COL4A4: variants seen among roughly 807,000 people sequenced by gnomAD.
COL4A4 encodes collagen alpha-4(IV) chain.
A neutral mutation model predicts 192.9 loss-of-function variants in COL4A4; 105 were observed. The observed-to-expected ratio is 0.54, with a 90% CI of 0.46 to 0.64. COL4A4 has a LOEUF of 0.64. Ranked by LOEUF, COL4A4 falls within the 30% of genes least tolerant of loss-of-function variation. The probability of loss-of-function intolerance (pLI) is 0.00; values close to 1 mark genes in which losing one functional copy is unlikely to be tolerated. For synonymous variants in COL4A4, 762 were observed against 769.9 expected, an observed-to-expected ratio of 0.99 and a Z score of 0.17; for missense variants, 1,967 against 2,169.3, an observed-to-expected ratio of 0.91 and a Z score of 1.85.
intron 1 of COL4A4, among the ~76,000 whole-genome samples, chr2:227,158,745 G>C (rs2064558516): frequency 1.3e-5 from 2 of 151,980 alleles, no homozygotes; most frequent in African/African-American, 4.8e-5. Flanking sequence ...TTAGTTATTG[G>C]AGAAATGCAA....
At position 227,027,420 on chromosome 2, in the gene COL4A4, T is replaced by G. The variant is rs370162207; in HGVS notation, c.4081+482A>C. Among the ~76,000 whole-genome samples the G allele has an allele frequency of 3.7e-4, 54 of 145,576 alleles. No homozygotes were observed. The South Asian group carries it at 8.6e-3, about 23-fold the overall frequency. On this transcript the variant is annotated intron_variant, in intron 42 of 47. Coordinates refer to ENST00000396625, the MANE Select transcript of COL4A4 (RefSeq NM_000092.5). Reference sequence around the variant, plus strand: ...CATGTTCTCACTCATAGGTGGGAACTGAACAATGAGAACACTTGGACACAA... The same window carrying G: ...CATGTTCTCACTCATAGGTGGGAACGGAACAATGAGAACACTTGGACACAA...
chr2:226,972,860 C>T, the COL4A4 span, among the ~76,000 whole-genome samples: 1 of 149,188 alleles, frequency 6.7e-6, no homozygotes, highest in Admixed American at 6.7e-5. Context: ...CACAAGTTAC[C>T]ACATGTATTT....
intron 19 of COL4A4, 21 bp from the exon 20 acceptor site, chr2:227,094,310 G>A: frequency 1.9e-6 from 3 of 1,610,536 alleles, no homozygotes; most frequent in Non-Finnish European, 2.5e-6. Flanking sequence ...AATCAAGAAT[G>A]AAAATTACAT....
chr2:227,017,985 G>GA (rs1965266532), intron 44 of COL4A4, among the ~76,000 whole-genome samples: 1 of 152,130 alleles, frequency 6.6e-6, no homozygotes, highest in Non-Finnish European at 1.5e-5. Flanking sequence ...GCAGAAAAGA[G>GA]AAGATTCTGA....
intron 37 of COL4A4, among the ~76,000 whole-genome samples, chr2:227,041,260 C>G (rs1970758038): frequency 6.6e-6 from 1 of 152,250 alleles, no homozygotes. Flanking sequence ...GCATCTAGCA[C>G]AGAATCTAGG....
Position 227,014,228 on chromosome 2 carries a change from G to A in COL4A4, c.4217-1931C>T, listed in dbSNP as rs1489161765. On this transcript the variant is annotated intron_variant, in intron 44 of 47. Coordinates refer to ENST00000396625, the MANE Select transcript of COL4A4 (RefSeq NM_000092.5). The stretch of plus-strand genomic sequence containing the variant: ...AATGACACGGTCCTACTGCTCCTGA[G>A]AACAGAACCCCAATGACATTCTGGA... Among the ~76,000 whole-genome samples, 3 of 152,136 alleles carry A rather than the reference G, an allele frequency of 2.0e-5. No homozygotes were observed. The South Asian group carries it at 6.2e-4, about 32-fold the overall frequency.
At chr2:227,152,923 G>C (rs2064055499) in intron 1 of COL4A4, among the ~76,000 whole-genome samples, 1 of 152,128 alleles carries the variant, frequency 6.6e-6, no homozygotes, top group Non-Finnish European at 1.5e-5. Flanking sequence ...TTCTCACACT[G>C]CTAATAAATA....
chr2:227,108,071 T>G (rs1460464671), intron 12 of COL4A4, among the ~76,000 whole-genome samples: 2 of 152,140 alleles, frequency 1.3e-5, no homozygotes, highest in Non-Finnish European at 2.9e-5. Context: ...ATCACTTTTC[T>G]AAAGCTTATT....
At chr2:227,137,010 G>A (rs1026761543) in intron 4 of COL4A4, among the ~76,000 whole-genome samples, 4 of 152,094 alleles carry the variant, frequency 2.6e-5, no homozygotes, top group East Asian at 3.9e-4. Context: ...CCAAATCCTC[G>A]CTGGAAGATG....
chr2:226,971,130 A>C, the COL4A4 span, among the ~76,000 whole-genome samples: 2 of 152,166 alleles, frequency 1.3e-5, no homozygotes, highest in African/African-American at 4.8e-5. Flanking sequence ...GAACATTTTC[A>C]TGGGCCTTTA....
In COL4A4 at chr2:227,007,559, CCCT is replaced by C. The variant is rs768416358; in HGVS notation, c.4836_4838del (p.Gly1613del). 3 of 1,612,842 alleles carry C rather than the reference CCCT, an allele frequency of 1.9e-6. No homozygotes were observed. In the South Asian group the frequency reaches 3.3e-5, roughly 18 times the overall value. The stretch of plus-strand genomic sequence containing the variant: ...AGCTGCCAGGTGACATAAGGGCCTG[CCCT>C]CCTCCTTGGTCCCCAGCTCCTGTGT... On this transcript the variant is annotated inframe_deletion, in exon 48 of 48. Transcript: ENST00000396625.
Position 227,014,417 on chromosome 2 carries a change from T to G in COL4A4, c.4217-2120A>C, listed in dbSNP as rs140823089. Among the ~76,000 whole-genome samples, 1,062 of 152,348 alleles carry G rather than the reference T, an allele frequency of 7.0e-3. 8 individuals carry two copies. The highest frequency in any genetic ancestry group is 0.024 in the African/African-American group (997 of 41,576). ...TAGATGATTTAACTTTAAAACTCTT[T>G]CCGGTGATGACCTTGGCGGCATATT... is the stretch of plus-strand genomic sequence containing the variant. On this transcript the variant is annotated intron_variant, in intron 44 of 47. Transcript: ENST00000396625.
intron 16 of COL4A4, 135 bp downstream of exon 16, chr2:227,101,730 T>C: frequency 9.6e-7 from 1 of 1,044,908 alleles, no homozygotes; most frequent in Non-Finnish European, 1.4e-6. Flanking sequence ...CACAGCTAAA[T>C]CCTGCAATCC....
the COL4A4 span, among the ~76,000 whole-genome samples, chr2:226,981,987 T>G: frequency 6.6e-6 from 1 of 152,252 alleles, no homozygotes; most frequent in African/African-American, 2.4e-5. Context: ...CACCCTGGTT[T>G]CCTAAACCAC....
chr2:227,076,804 C>A (rs1159048138), intron 25 of COL4A4, among the ~76,000 whole-genome samples: 1 of 152,096 alleles, frequency 6.6e-6, no homozygotes, highest in Non-Finnish European at 1.5e-5. Context: ...AAAAAACCAA[C>A]CCCTTCAAAA....
intron 26 of COL4A4, among the ~76,000 whole-genome samples, chr2:227,061,687 C>T (rs995593452): frequency 6.6e-6 from 1 of 152,012 alleles, no homozygotes; most frequent in East Asian, 1.9e-4. Flanking sequence ...TAGTAATGAA[C>T]GGGTAGGGAA....
Position 227,032,203 on chromosome 2 carries a change from G to C in COL4A4, c.3651C>G (p.Ser1217Arg). 6.2e-7 allele frequency: 1 copy of C among 1,614,108 alleles called. No homozygotes were observed. The highest frequency in any genetic ancestry group is 8.5e-7 in the Non-Finnish European group (1 of 1,179,968). The change falls in exon 39 of 48, where the codon AGC becomes AGG. Residue 1217 changes from serine (S) to arginine (R), a missense_variant. Ser to Arg is a moderately radical substitution (Grantham distance 110, BLOSUM62 -1). Coordinates refer to ENST00000396625, the MANE Select transcript of COL4A4 (RefSeq NM_000092.5). The part of the protein sequence containing the change: ...GLKGERGDPG[S>R]PGISPPGPRG... ...GAGGACCTGGAGGAGAGATTCCTGG[G>C]CTCCCAGGGTCTCCTCTCTCCCCTT...
At chr2:227,041,848 G>GAGAA (rs71036154) in intron 37 of COL4A4, among the ~76,000 whole-genome samples, 1,787 of 38,354 alleles carry the variant, frequency 0.047, 176 homozygotes, top group East Asian at 0.1. Flanking sequence ...AAGAAAGAAA[G>GAGAA]AGAAAGAAAG....
At chr2:227,098,006 G>A (rs534770580) in intron 19 of COL4A4, among the ~76,000 whole-genome samples, 3 of 152,222 alleles carry the variant, frequency 2.0e-5, no homozygotes, top group East Asian at 1.9e-4. Context: ...ATTAACCAGC[G>A]CAGCACCTGA....
Sources: gnomAD v4.1 joint callset for allele counts (sites outside exome capture counted in the v4.1 genomes callset) on GRCh38, gnomAD v4.1.1 for gene constraint, MANE v1.5 for transcripts, NCBI Gene and HGNC (gene_info 2026-07-23, HGNC 2026-07-21) for gene names.